The following GRIA4 variants were observed in gnomAD, a reference collection of about 807,000 sequenced individuals.
The protein encoded by GRIA4 is glutamate ionotropic receptor AMPA type subunit 4.
GRIA4 carries 34 observed loss-of-function variants against 104.0 expected under a neutral mutation model. The ratio of observed to expected loss-of-function variants is 0.33; its 90% CI spans 0.25 to 0.44. The LOEUF is 0.44. GRIA4 is among the 20% of genes least tolerant of loss of function. The probability of loss-of-function intolerance (pLI) is 1.00; values close to 1 mark genes in which losing one functional copy is unlikely to be tolerated. For missense variants in GRIA4, 750 were observed against 1,096.5 expected, an observed-to-expected ratio of 0.68 and a Z score of 4.46; for synonymous variants, 386 against 381.9, an observed-to-expected ratio of 1.01 and a Z score of -0.13.
chr11:105,636,883 A>T (rs990066320), intron 3 of GRIA4, among the ~76,000 whole-genome samples: 2 of 152,208 alleles, frequency 1.3e-5, no homozygotes, highest in Admixed American at 1.3e-4. Flanking sequence ...AGCTACCATC[A>T]AACCATCCCA....
chr11:105,791,472 A>G (rs1052985493), intron 4 of GRIA4, among the ~76,000 whole-genome samples: 2 of 152,194 alleles, frequency 1.3e-5, no homozygotes, highest in African/African-American at 4.8e-5. Context: ...CAGATGCATT[A>G]TACATGTGGG....
chr11:105,965,032 C>T (rs1371090506), intron 14 of GRIA4, among the ~76,000 whole-genome samples: 1 of 152,078 alleles, frequency 6.6e-6, no homozygotes, highest in Non-Finnish European at 1.5e-5. Context: ...GTCTTGAACT[C>T]CTGACCTCAG....
chr11:105,901,118 G>A (rs1946840227), intron 7 of GRIA4, among the ~76,000 whole-genome samples: 1 of 151,934 alleles, frequency 6.6e-6, no homozygotes, highest in African/African-American at 2.4e-5. Flanking sequence ...ACTCATCTTT[G>A]TAGTCTTCAT....
At chr11:105,808,238 C>A (rs1177308749) in intron 4 of GRIA4, among the ~76,000 whole-genome samples, 6 of 151,844 alleles carry the variant, frequency 4.0e-5, no homozygotes, top group African/African-American at 1.4e-4. Context: ...TTAAAACACA[C>A]CCCTAGAGTC....
intron 4 of GRIA4, among the ~76,000 whole-genome samples, chr11:105,782,243 A>G (rs2135776660): frequency 1.3e-5 from 2 of 152,334 alleles, no homozygotes; most frequent in African/African-American, 4.8e-5. Flanking sequence ...ACAATTAATC[A>G]GTGTTAACTT....
At chr11:105,752,185 C>A (rs1277918697) in intron 3 of GRIA4, among the ~76,000 whole-genome samples, 1 of 152,022 alleles carries the variant, frequency 6.6e-6, no homozygotes, top group Non-Finnish European at 1.5e-5. Flanking sequence ...GGTTTTGTAG[C>A]AACTGGGAGC....
intron 4 of GRIA4, among the ~76,000 whole-genome samples, chr11:105,819,673 T>A (rs916013871): frequency 3.3e-5 from 5 of 152,072 alleles, no homozygotes; most frequent in Non-Finnish European, 7.4e-5. Context: ...GCATGAAAAG[T>A]CTTACTTTAT....
chr11:105,829,712 A>C (rs1199195244), intron 4 of GRIA4, among the ~76,000 whole-genome samples: 1 of 151,930 alleles, frequency 6.6e-6, no homozygotes, highest in African/African-American at 2.4e-5. Context: ...GCAGAAAGGG[A>C]GAAATGCATG....
At chr11:105,761,391 C>A (rs950492082) in intron 4 of GRIA4, among the ~76,000 whole-genome samples, 1 of 152,150 alleles carries the variant, frequency 6.6e-6, no homozygotes, top group Admixed American at 6.5e-5. Context: ...GGTGCCACAA[C>A]TGCCATTATG....
intron 3 of GRIA4, among the ~76,000 whole-genome samples, chr11:105,630,599 G>A: frequency 6.6e-6 from 1 of 151,708 alleles, no homozygotes; most frequent in East Asian, 1.9e-4. Context: ...AACTAAATAT[G>A]TAGATATGAA....
At position 105,743,709 on chromosome 11, in the gene GRIA4, C is replaced by G. The variant is rs1042964086; in HGVS notation, c.248-9272C>G. On this transcript the variant is annotated intron_variant, in intron 3 of 16. Transcript: ENST00000282499. Reference sequence around the variant, plus strand: ...CCAGTGTTTTCTGTGTATTATAAAACTGTACTTCTCCCATAGTATCCAAGA... The same window carrying G: ...CCAGTGTTTTCTGTGTATTATAAAAGTGTACTTCTCCCATAGTATCCAAGA... 2.6e-5 allele frequency among the ~76,000 whole-genome samples: 4 copies of G among 152,164 alleles called. 1 individual carries two copies. The highest frequency in any genetic ancestry group is 5.9e-5 in the Non-Finnish European group (4 of 68,030).
intron 4 of GRIA4, among the ~76,000 whole-genome samples, chr11:105,786,225 A>G (rs1029397229): frequency 6.6e-6 from 1 of 152,022 alleles, no homozygotes; most frequent in Non-Finnish European, 1.5e-5. Flanking sequence ...TTTGTAAAAT[A>G]TCTATGCCCA....
intron 3 of GRIA4, among the ~76,000 whole-genome samples, chr11:105,692,501 C>G (rs894722696): frequency 2.6e-5 from 4 of 152,250 alleles, no homozygotes; most frequent in African/African-American, 4.8e-5. Context: ...GTGAGTAAGT[C>G]ATAAGATCAA....
intron 4 of GRIA4, among the ~76,000 whole-genome samples, chr11:105,790,062 C>A (rs1167691294): frequency 2.6e-5 from 4 of 152,148 alleles, no homozygotes; most frequent in African/African-American, 4.8e-5. Context: ...TTTTCTATCA[C>A]TCTCACACAG....
intron 5 of GRIA4, among the ~76,000 whole-genome samples, chr11:105,870,098 CT>C (rs1945560010): frequency 1.3e-5 from 2 of 151,776 alleles, no homozygotes; most frequent in African/African-American, 4.8e-5. Flanking sequence ...ACATAATTTG[CT>C]TCCGTATTTG....
intron 7 of GRIA4, among the ~76,000 whole-genome samples, chr11:105,902,357 G>T (rs1394097736): frequency 2.0e-5 from 3 of 150,888 alleles, no homozygotes; most frequent in Admixed American, 6.6e-5. Flanking sequence ...CTGAGACAGG[G>T]TCTTTATCTG....
intron 3 of GRIA4, among the ~76,000 whole-genome samples, chr11:105,625,845 A>T (rs1343316203): frequency 6.6e-6 from 1 of 152,138 alleles, no homozygotes; most frequent in Non-Finnish European, 1.5e-5. Flanking sequence ...CTCTCCATAG[A>T]ACATTTTTAA....
At position 105,881,031 on chromosome 11, in the gene GRIA4, G is replaced by A. The variant is rs533771715; in HGVS notation, c.673-6488G>A. 1.6e-3 allele frequency among the ~76,000 whole-genome samples: 248 copies of A among 152,274 alleles called. 1 individual carries two copies. Among genetic ancestry groups the A allele is most frequent in the Non-Finnish European group, 3.0e-3 (201 of 68,018 alleles). ...GCACACAGTTTGTTTGGGAAGTAAA[G>A]AACAGGCTGGAAGAGGAGTAGAGAA... On this transcript the variant is annotated intron_variant, in intron 5 of 16. Coordinates refer to ENST00000282499, the MANE Select transcript of GRIA4 (RefSeq NM_000829.4).
At chr11:105,624,022 T>A (rs1950821622) in intron 3 of GRIA4, among the ~76,000 whole-genome samples, 1 of 152,082 alleles carries the variant, frequency 6.6e-6, no homozygotes, top group African/African-American at 2.4e-5. Context: ...TTTTCCTGTG[T>A]TATATTATCG....
Sources: allele counts gnomAD v4.1 joint callset (sites outside exome capture counted in the v4.1 genomes callset), GRCh38; gene constraint gnomAD v4.1.1; transcripts MANE v1.5; gene names NCBI Gene and HGNC (gene_info 2026-07-23, HGNC 2026-07-21).